Variants in CBX3 observed in about 807,000 individuals in gnomAD.
CBX3 encodes chromobox protein homolog 3.
CBX3 carries 5 observed loss-of-function variants against 22.6 expected under a neutral mutation model. That is an observed-to-expected ratio of 0.22 (90% CI 0.12 to 0.47). The LOEUF is 0.47. CBX3 is among the 20% of genes least tolerant of loss of function. The pLI is 0.99. For synonymous variants in CBX3, 50 were observed against 66.6 expected (o/e 0.75, Z 1.21); for missense variants, 83 against 208.1 (o/e 0.40, Z 3.70).
intron 2 of CBX3, among the ~76,000 whole-genome samples, chr7:26,203,666 T>C (rs947582473): frequency 6.6e-6 from 1 of 152,166 alleles, no homozygotes; most frequent in African/African-American, 2.4e-5. Context: ...CCCTGGAATA[T>C]TCACATAAAA....
intron 1 of CBX3, chr7:26,202,729 A>C (rs1390795690): frequency 2.1e-6 from 1 of 480,674 alleles, no homozygotes; most frequent in Non-Finnish European, 3.7e-6. Context: ...CCCTATTTTA[A>C]GCCATGTGAA....
rs1338707584 is a variant in CBX3, at chr7:26,206,137, T to C, written c.25-231T>C. ...AAATAACTGTTTCCAGATAGTGTTTTTTTATTGTATTATTTTGGTGGTGGG... is the reference window on the plus strand; with the variant it reads ...AAATAACTGTTTCCAGATAGTGTTTCTTTATTGTATTATTTTGGTGGTGGG... On this transcript the variant is annotated intron_variant, in intron 2 of 5. Transcript: ENST00000396386. 3.1e-5 allele frequency: 13 copies of C among 417,888 alleles called. No homozygotes were observed. The Middle Eastern group carries it at 1.9e-3, about 63-fold the overall frequency. 25.9% of individuals were successfully genotyped at this position (417,888 alleles called of 1,614,324 possible). A position where few individuals can be genotyped will look rare whatever the true frequency, so the allele number is the denominator to read the frequency against.
Position 26,211,728 on chromosome 7 carries a change from A to G in CBX3, c.397A>G (p.Ser133Gly). ...AAGAATAATTGGTGCCACAGACAGC[A>G]GTGGAGAATTGATGTTTCTCATGAA... ...PERIIGATDSSGELMFLMKWK... is the reference protein window; with the variant it reads ...PERIIGATDSGGELMFLMKWK... Residue 133 changes from serine to glycine, a missense_variant, in exon 5 of 6, where the codon AGT (serine) becomes GGT (glycine). Physicochemically the swap from Ser to Gly is moderately conservative, Grantham distance 56. Around this residue, in one of 3 missense-constraint regions of CBX3, gnomAD observed 59 missense variants for 155.0 expected, o/e 0.38. Coordinates refer to ENST00000396386, the MANE Select transcript of CBX3 (RefSeq NM_016587.4). The G allele has an allele frequency of 6.2e-7, 1 of 1,609,520 alleles. No individual in the cohort carries two copies. Among genetic ancestry groups the G allele is most frequent in the Non-Finnish European group, 8.5e-7 (1 of 1,177,748 alleles).
intron 2 of CBX3, 139 bp downstream of exon 2, chr7:26,203,161 T>G (rs767562625): frequency 1.9e-5 from 13 of 684,608 alleles, no homozygotes; most frequent in Admixed American, 5.5e-5. Context: ...CAGGGGAAAA[T>G]TAAGAGAAAA....
chr7:26,211,952 C>T (rs1469888205), intron 5 of CBX3, 130 bp from the exon 6 acceptor site: 6 of 912,736 alleles, frequency 6.6e-6, no homozygotes, highest in Admixed American at 3.5e-5. Flanking sequence ...TAGAACATAG[C>T]AACAAGTAAC....
chr7:26,204,645 CACTTCATATGCCTGCAT>C (rs1178559089), intron 2 of CBX3, among the ~76,000 whole-genome samples: 1 of 152,218 alleles, frequency 6.6e-6, no homozygotes, highest in Non-Finnish European at 1.5e-5. Context: ...TCTGTCTGCA[CACTTCATATGCCTGCAT>C]AGCTTGAAAT....
At chr7:26,208,082 C>T (rs1784720908) in intron 3 of CBX3, 2 of 182,014 alleles carry the variant, frequency 1.1e-5, no homozygotes, top group Non-Finnish European at 2.3e-5. Flanking sequence ...TTTAAGTTAG[C>T]TGGGCATGGT....
intron 1 of CBX3, chr7:26,202,658 C>A: frequency 3.3e-6 from 1 of 305,980 alleles, no homozygotes; most frequent in Non-Finnish European, 6.0e-6. Flanking sequence ...AAGGATTGTC[C>A]TTTAAAAATG....
At chr7:26,207,557 T>C (rs1784707899) in intron 3 of CBX3, among the ~76,000 whole-genome samples, 1 of 152,118 alleles carries the variant, frequency 6.6e-6, no homozygotes. Flanking sequence ...CTCACCCTGT[T>C]GCCCAGGCTG....
intron 3 of CBX3, 52 bp from the exon 4 acceptor site, chr7:26,208,341 T>G: frequency 3.5e-6 from 5 of 1,414,076 alleles, no homozygotes; most frequent in Non-Finnish European, 4.9e-6. Flanking sequence ...ATAATGGTGA[T>G]GAATCATATT....
chr7:26,212,810 T>C lies in CBX3; in HGVS notation c.*602T>C, dbSNP rs1450239220. On this transcript the variant is annotated 3_prime_UTR_variant, in exon 6 of 6. Transcript: ENST00000396386. Reference sequence around the variant, plus strand: ...GTAATTCTAGATAGGACAATTTAAATTGGATAATTTTAAAGTGTCTATAAT... The same window carrying C: ...GTAATTCTAGATAGGACAATTTAAACTGGATAATTTTAAAGTGTCTATAAT... 1 of 152,272 alleles carries C rather than the reference T, an allele frequency of 6.6e-6. No homozygotes were observed. Among genetic ancestry groups the C allele is most frequent in the East Asian group, 1.9e-4 (1 of 5,204 alleles). The allele number at this position is 152,272 out of a possible 1,614,324, so 9.4% of individuals were successfully genotyped here.
At chr7:26,202,838 G>C in intron 1 of CBX3, 133 bp from the exon 2 acceptor site, 11 of 705,022 alleles carry the variant, frequency 1.6e-5, no homozygotes, top group Non-Finnish European at 2.0e-5. Flanking sequence ...TAGGAGCGCA[G>C]ATCTACTCTG....
At chr7:26,206,651 T>C (rs1404751143) in intron 3 of CBX3, 141 bp downstream of exon 3, 7 of 774,938 alleles carry the variant, frequency 9.0e-6, no homozygotes, top group Non-Finnish European at 1.3e-5. Context: ...GGTGTCTCAT[T>C]TGAGGTCTAT....
Position 26,213,124 on chromosome 7 carries a change from C to T in CBX3, c.*916C>T, listed in dbSNP as rs1784847877. On this transcript the variant is annotated 3_prime_UTR_variant, in exon 6 of 6. Transcript: ENST00000396386. ...AGAGGTGTTGGCAGTTTAGGACCTG[C>T]TGTCATAAATGTGTGAACAACCTTT... 6.6e-6 allele frequency: 1 copy of T among 152,552 alleles called. No individual in the cohort carries two copies. Among genetic ancestry groups the T allele is most frequent in the Admixed American group, 6.5e-5 (1 of 15,290 alleles). 9.4% of individuals were successfully genotyped at this position (152,552 alleles called of 1,614,324 possible).
Position 26,208,383 on chromosome 7 carries a change from C to T in CBX3, c.168-10C>T, listed in dbSNP as rs757674203. The T allele has an allele frequency of 1.9e-5, 26 of 1,338,422 alleles. No homozygotes were observed. In the African/African-American group the frequency reaches 2.8e-4, roughly 14 times the overall value. The allele number at this position is 1,338,422 out of a possible 1,614,324, so 82.9% of individuals were successfully genotyped here. On this transcript the variant is annotated splice_polypyrimidine_tract_variant and intron_variant, in intron 3 of 5. Coordinates refer to ENST00000396386, the MANE Select transcript of CBX3 (RefSeq NM_016587.4). ...AATCACCTTTTTTTTTTTTAATAAA[C>T]TAAACACAGTGCTGACAATACTTGG...
chr7:26,208,909 C>T (rs1327174923), intron 4 of CBX3, among the ~76,000 whole-genome samples: 2 of 134,168 alleles, frequency 1.5e-5, no homozygotes, highest in East Asian at 2.5e-4. Context: ...TGAGCCACCA[C>T]GCCTGGCCTT....
At chr7:26,203,914 C>G (rs145643730) in intron 2 of CBX3, among the ~76,000 whole-genome samples, 1 of 152,060 alleles carries the variant, frequency 6.6e-6, no homozygotes, top group Non-Finnish European at 1.5e-5. Flanking sequence ...TTCTGTTTAC[C>G]CTGGAAAACA....
chr7:26,206,687 A>G (rs1208026764), intron 3 of CBX3, among the ~76,000 whole-genome samples, 177 bp downstream of exon 3: 2 of 152,202 alleles, frequency 1.3e-5, no homozygotes, highest in Non-Finnish European at 2.9e-5. Context: ...ACTTTATTGT[A>G]CAGTTGAAGG....
intron 2 of CBX3, among the ~76,000 whole-genome samples, chr7:26,204,951 G>T (rs750146227): frequency 6.6e-6 from 1 of 152,016 alleles, no homozygotes; most frequent in Non-Finnish European, 1.5e-5. Context: ...CACTATGCCT[G>T]GCTAATTTTG....
Sources: allele counts gnomAD v4.1 joint callset (sites outside exome capture counted in the v4.1 genomes callset), GRCh38; gene constraint gnomAD v4.1.1; regional missense constraint gnomAD v4.1.1; transcripts MANE v1.5; gene names NCBI Gene and HGNC (gene_info 2026-07-23, HGNC 2026-07-21).